CTNNA2: variants seen among roughly 807,000 people sequenced by gnomAD.
The protein encoded by CTNNA2 is catenin alpha-2.
Under a neutral mutation model 101.0 loss-of-function variants are expected in CTNNA2, and 42 were observed. The observed-to-expected ratio is 0.42, with a 90% CI of 0.32 to 0.54. CTNNA2 has a LOEUF of 0.54. CTNNA2 is among the 20% of genes least tolerant of loss of function. CTNNA2 has a pLI of 0.14. For synonymous variants in CTNNA2, 450 were observed against 456.4 expected, an observed-to-expected ratio of 0.99 and a Z score of 0.18; for missense variants, 871 against 1,223.1, an observed-to-expected ratio of 0.71 and a Z score of 4.29.
intron 9 of CTNNA2, among the ~76,000 whole-genome samples, chr2:80,500,629 T>C (rs1201180180): frequency 1.3e-5 from 2 of 152,190 alleles, no homozygotes; most frequent in Admixed American, 1.3e-4. Flanking sequence ...TTCAAACTTT[T>C]GAAGACAGCT....
At chr2:80,014,637 A>C (rs755044543) in intron 7 of CTNNA2, among the ~76,000 whole-genome samples, 1 of 152,136 alleles carries the variant, frequency 6.6e-6, no homozygotes, top group Non-Finnish European at 1.5e-5. Context: ...ACATTCTTTC[A>C]AACTTCAGCA....
At chr2:80,414,418 TC>T (rs1393642295) in intron 8 of CTNNA2, among the ~76,000 whole-genome samples, 1 of 152,184 alleles carries the variant, frequency 6.6e-6, no homozygotes, top group Admixed American at 6.5e-5. Context: ...CATGCTTGAA[TC>T]CCTGAATTAG....
rs139387206 is a variant in CTNNA2 at position 79,507,531 on chromosome 2, G to A, written c.-6+2349G>A. On this transcript the variant is annotated intron_variant, in intron 5 of 21. Coordinates refer to the CTNNA2 transcript ENST00000466387. The stretch of plus-strand genomic sequence containing the variant: ...ACGCTCTCACCATCTGTGACCCTTC[G>A]ATCTTGGACTTCCCATCTTACAGAA... Among the ~76,000 whole-genome samples the A allele has an allele frequency of 2.3e-3, 357 of 152,138 alleles. 2 individuals are homozygous for A. The highest frequency in any genetic ancestry group is 7.5e-3 in the African/African-American group (313 of 41,524).
At chr2:79,931,288 C>T (rs2974145) in intron 7 of CTNNA2, among the ~76,000 whole-genome samples, 131,679 of 152,194 alleles carry the variant, frequency 0.87, 57,523 homozygotes, top group East Asian at 0.95. Flanking sequence ...CTATGAATAT[C>T]GGATATGTTT....
At chr2:80,641,352 A>AT (rs1673464623) in intron 18 of CTNNA2, among the ~76,000 whole-genome samples, 1 of 152,124 alleles carries the variant, frequency 6.6e-6, no homozygotes, top group African/African-American at 2.4e-5. Flanking sequence ...TGTGTCATTA[A>AT]TTTTTGTTAG....
chr2:80,305,048 C>T, intron 7 of CTNNA2: 1 of 984,546 alleles, frequency 1.0e-6, no homozygotes, highest in Non-Finnish European at 1.2e-6. Flanking sequence ...TTCTTTTCCC[C>T]TTTAAAACTG....
chr2:79,968,213 T>TA (rs76059666), intron 7 of CTNNA2, among the ~76,000 whole-genome samples: 208 of 148,644 alleles, frequency 1.4e-3, no homozygotes, highest in Admixed American at 2.4e-3. Context: ...TTTACTTCAA[T>TA]AAAAAAAAAA....
chr2:80,645,822 A>G (rs1045378916), intron 18 of CTNNA2, among the ~76,000 whole-genome samples: 5 of 152,090 alleles, frequency 3.3e-5, no homozygotes, highest in African/African-American at 7.2e-5. Context: ...TTTGTATGGC[A>G]TAATAGAAGT....
intron 7 of CTNNA2, among the ~76,000 whole-genome samples, chr2:80,380,011 GC>G (rs1479594294): frequency 2.0e-5 from 3 of 146,992 alleles, no homozygotes; most frequent in Non-Finnish European, 4.5e-5. Flanking sequence ...TCAATGTCTT[GC>G]ACTGTTCGAG....
intron 9 of CTNNA2, among the ~76,000 whole-genome samples, chr2:80,514,266 G>A (rs774565533): frequency 6.6e-6 from 1 of 152,134 alleles, no homozygotes; most frequent in Non-Finnish European, 1.5e-5. Context: ...TCCACTTTGG[G>A]TGCCAGAAGG....
chr2:79,320,747 C>T (rs1676601980), intron 3 of CTNNA2, among the ~76,000 whole-genome samples: 1 of 152,036 alleles, frequency 6.6e-6, no homozygotes, highest in Admixed American at 6.6e-5. Flanking sequence ...TCAGGTCAGG[C>T]CTATGGTAGC....
chr2:79,615,709 C>T (rs993442332), intron 1 of CTNNA2, among the ~76,000 whole-genome samples: 1 of 152,160 alleles, frequency 6.6e-6, no homozygotes, highest in African/African-American at 2.4e-5. Flanking sequence ...TTCTGTAAGG[C>T]ATATTCATAT....
intron 2 of CTNNA2, among the ~76,000 whole-genome samples, chr2:79,209,976 C>T (rs752268253): frequency 6.1e-5 from 9 of 147,104 alleles, no homozygotes; most frequent in South Asian, 2.2e-4. Flanking sequence ...GTTGGGGGGG[C>T]GGGGGTGTGG....
chr2:80,540,928 T>C (rs1299846531), intron 9 of CTNNA2, among the ~76,000 whole-genome samples: 3 of 152,180 alleles, frequency 2.0e-5, no homozygotes, highest in Admixed American at 6.5e-5. Context: ...ACTCCTGGCT[T>C]ATTAGGAGCC....
intron 2 of CTNNA2, among the ~76,000 whole-genome samples, chr2:79,736,799 A>T (rs1670907617): frequency 6.6e-6 from 1 of 152,232 alleles, no homozygotes; most frequent in Non-Finnish European, 1.5e-5. Context: ...TCGTATCTGC[A>T]AAGTGCACAA....
intron 2 of CTNNA2, among the ~76,000 whole-genome samples, chr2:79,276,262 G>A (rs1675210619): frequency 6.6e-6 from 1 of 152,060 alleles, no homozygotes; most frequent in Non-Finnish European, 1.5e-5. Flanking sequence ...TCTTGCTTAT[G>A]TATTTGTTTT....
intron 7 of CTNNA2, among the ~76,000 whole-genome samples, chr2:80,020,993 CTTTTTTTTTTTTT>C (rs869061321): frequency 2.2e-5 from 2 of 89,358 alleles, no homozygotes; most frequent in East Asian, 3.4e-4. Flanking sequence ...GACCAATCAT[CTTTTTTTTTTTTT>C]TTTTTTTTTT....
chr2:79,812,501 A>C (rs1677125248), intron 3 of CTNNA2, among the ~76,000 whole-genome samples: 2 of 152,176 alleles, frequency 1.3e-5, no homozygotes. Flanking sequence ...CAATGATCAC[A>C]GTAAAAGGAA....
chr2:79,748,147 C>A (rs1380553477), intron 3 of CTNNA2, among the ~76,000 whole-genome samples: 1 of 152,138 alleles, frequency 6.6e-6, no homozygotes, highest in Non-Finnish European at 1.5e-5. Flanking sequence ...ATTATGTAAT[C>A]CCCTTAGCTT....
Sources: allele counts gnomAD v4.1 joint callset (sites outside exome capture counted in the v4.1 genomes callset), GRCh38; gene constraint gnomAD v4.1.1; transcripts MANE v1.5; gene names NCBI Gene and HGNC (gene_info 2026-07-23, HGNC 2026-07-21).